The following SEPTIN9 variants were observed in gnomAD, a reference collection of about 807,000 sequenced individuals.
The protein encoded by SEPTIN9 is septin-9.
Under a neutral mutation model 56.6 loss-of-function variants are expected in SEPTIN9, and 13 were observed. The observed-to-expected ratio is 0.23, with a 90% CI of 0.15 to 0.37. The LOEUF (loss-of-function observed/expected upper bound fraction) is 0.37, where lower values mean the gene tolerates loss of function less well. SEPTIN9 is among the 10% of genes least tolerant of loss of function. The pLI, the probability that SEPTIN9 is intolerant of heterozygous loss-of-function variation, is 1.00. For missense variants in SEPTIN9, 650 were observed against 823.1 expected (o/e 0.79, Z 2.57); for synonymous variants, 332 against 334.1 (o/e 0.99, Z 0.07).
At position 77,498,870 on chromosome 17, in the gene SEPTIN9, A is replaced by G; in HGVS notation, c.*212A>G. 1.6e-6 allele frequency: 1 copy of G among 606,954 alleles called. No individual in the cohort carries two copies. Among genetic ancestry groups the G allele is most frequent in the Non-Finnish European group, 3.1e-6 (1 of 323,526 alleles). 37.6% of individuals were successfully genotyped at this position (606,954 alleles called of 1,614,324 possible). ...CTCCCCGAGGTTGTGGGGAGGCTGC[A>G]CTGGAGCCACAGGCAGGGGTGAGAG... On this transcript the variant is annotated 3_prime_UTR_variant, in exon 12 of 12. Transcript: ENST00000427177.
At chr17:77,350,146 C>T (rs1200114456) in intron 2 of SEPTIN9, among the ~76,000 whole-genome samples, 1 of 152,202 alleles carries the variant, frequency 6.6e-6, no homozygotes, top group African/African-American at 2.4e-5. Context: ...AGCCCCTGTC[C>T]CCCTTCTCTT....
intron 3 of SEPTIN9, among the ~76,000 whole-genome samples, chr17:77,420,482 C>T (rs947951152): frequency 1.3e-5 from 2 of 152,194 alleles, no homozygotes; most frequent in East Asian, 1.9e-4. Flanking sequence ...GCTTGCAAGC[C>T]TGTGTGGCTT....
In SEPTIN9 at chr17:77,307,122, C is replaced by A. The variant is rs372523373; in HGVS notation, c.20-19C>A. On this transcript the variant is annotated intron_variant, in intron 1 of 11. Coordinates refer to ENST00000427177, the MANE Select transcript of SEPTIN9 (RefSeq NM_001113491.2). Reference sequence around the variant, plus strand: ...GCCAGTGGCCTTGTGTGACCTTTGCCCTTTGTCTCTGTCTTTAGGAGGCAC... The same window carrying A: ...GCCAGTGGCCTTGTGTGACCTTTGCACTTTGTCTCTGTCTTTAGGAGGCAC... 3.7e-6 allele frequency: 6 copies of A among 1,613,528 alleles called. No individual in the cohort carries two copies. Among genetic ancestry groups the A allele is most frequent in the South Asian group, 1.1e-5 (1 of 91,074 alleles).
Position 77,373,295 on chromosome 17 carries a change from G to A in SEPTIN9, c.77-28764G>A, listed in dbSNP as rs1251672516. 6.0e-6 allele frequency: 7 copies of A among 1,159,288 alleles called. No homozygotes were observed. In the East Asian group the frequency reaches 2.0e-4, roughly 33 times the overall value. 71.8% of individuals were successfully genotyped at this position (1,159,288 alleles called of 1,614,324 possible). ...CCCGGGAGGCGGGGGCGGGGCGGGG[G>A]CGCAGCGCGCGGGGAGGGGCCGGCG... On this transcript the variant is annotated intron_variant, in intron 2 of 11. Transcript: ENST00000427177.
rs1322345781 is a variant in SEPTIN9, at chr17:77,425,188, G to T, written c.721+22485G>T. 6.6e-6 allele frequency among the ~76,000 whole-genome samples: 1 copy of T among 152,192 alleles called. No individual in the cohort carries two copies. The highest frequency in any genetic ancestry group is 6.5e-5 in the Admixed American group (1 of 15,288). ...ATGTGACCCGGGCCTGGGAAGATGG[G>T]CCCAGCTGTGGGAGGTCGTGCGGGC... On this transcript the variant is annotated intron_variant, in intron 3 of 11. Coordinates refer to ENST00000427177, the MANE Select transcript of SEPTIN9 (RefSeq NM_001113491.2). The surrounding 1 kb of genome is among the most constrained non-coding windows in gnomAD (Gnocchi z 4.2).
intron 3 of SEPTIN9, among the ~76,000 whole-genome samples, chr17:77,423,864 C>G (rs1046197308): frequency 1.3e-5 from 2 of 152,156 alleles, no homozygotes; most frequent in Admixed American, 1.3e-4. Flanking sequence ...TCTGGAAAGT[C>G]CAGGCATGTG....
intron 2 of SEPTIN9, 65 bp from the exon 3 acceptor site, chr17:77,401,994 G>T (rs2035915839): frequency 6.5e-7 from 1 of 1,538,912 alleles, no homozygotes; most frequent in African/African-American, 1.4e-5. Flanking sequence ...TCCTTAGCAG[G>T]AAACATGCCG....
At chr17:77,366,080 G>A (rs1019157203) in intron 2 of SEPTIN9, among the ~76,000 whole-genome samples, 18 of 152,264 alleles carry the variant, frequency 1.2e-4, no homozygotes, top group African/African-American at 4.1e-4. Context: ...CAAGCCTCCT[G>A]GTACCCTGGG....
At chr17:77,332,629 A>C (rs1031573683) in intron 2 of SEPTIN9, among the ~76,000 whole-genome samples, 1 of 152,194 alleles carries the variant, frequency 6.6e-6, no homozygotes, top group African/African-American at 2.4e-5. Context: ...TCCCAGCCTG[A>C]CCAGAACATA....
At chr17:77,488,942 T>C (rs1464439747) in intron 7 of SEPTIN9, 78 bp downstream of exon 7, 2 of 1,561,156 alleles carry the variant, frequency 1.3e-6, no homozygotes, top group African/African-American at 1.3e-5. Flanking sequence ...AAGACGGTGC[T>C]GTCTGCCCTG....
intron 2 of SEPTIN9, chr17:77,373,071 G>C (rs551874645): frequency 2.0e-4 from 98 of 501,200 alleles, no homozygotes; most frequent in African/African-American, 1.7e-3. Flanking sequence ...GGGGCGCCCG[G>C]GGGGAGGGGC....
At chr17:77,455,564 C>G (rs974389164) in intron 3 of SEPTIN9, among the ~76,000 whole-genome samples, 1 of 152,204 alleles carries the variant, frequency 6.6e-6, no homozygotes, top group Non-Finnish European at 1.5e-5. Flanking sequence ...CAGGGGCCAC[C>G]ACAGGACCAG....
intron 2 of SEPTIN9, chr17:77,373,645 C>T (rs1160701020): frequency 2.7e-6 from 4 of 1,494,256 alleles, no homozygotes; most frequent in South Asian, 2.5e-5. Context: ...TGAGGGGAGA[C>T]GGGAGTGCGC....
chr17:77,485,245 GTGATGGTGGTGATTGTGA>G (rs2039718520), intron 4 of SEPTIN9, among the ~76,000 whole-genome samples: 2 of 137,194 alleles, frequency 1.5e-5, no homozygotes, highest in African/African-American at 5.7e-5. Flanking sequence ...GGTGGTGATT[GTGATGGTGGTGATTGTGA>G]TGGTGATGTG....
chr17:77,425,495 G>A lies in SEPTIN9; in HGVS notation c.721+22792G>A, dbSNP rs957990560. ...TGGCCCCCTCTCTGGTCATGGGGAC[G>A]CTGCCTGGGGGGGGTTCCCTTACAT... On this transcript the variant is annotated intron_variant, in intron 3 of 11. Transcript: ENST00000427177. The surrounding 1 kb of genome is among the most constrained non-coding windows in gnomAD (Gnocchi z 4.2). Among the ~76,000 whole-genome samples, 6 of 152,152 alleles carry A rather than the reference G, an allele frequency of 3.9e-5. No individual in the cohort carries two copies. Among genetic ancestry groups the A allele is most frequent in the African/African-American group, 1.2e-4 (5 of 41,528 alleles).
At chr17:77,465,315 A>G (rs1296855534) in intron 3 of SEPTIN9, among the ~76,000 whole-genome samples, 1 of 152,178 alleles carries the variant, frequency 6.6e-6, no homozygotes, top group East Asian at 1.9e-4. Flanking sequence ...GCTGGTCTAC[A>G]GGTTTTTGTG....
At chr17:77,411,420 C>T (rs1490878658) in intron 3 of SEPTIN9, among the ~76,000 whole-genome samples, 4 of 147,292 alleles carry the variant, frequency 2.7e-5, no homozygotes, top group East Asian at 2.0e-4. Context: ...TTTGACAGAG[C>T]GTGGCCCAGG....
Position 77,367,765 on chromosome 17 carries a change from G to A in SEPTIN9, c.77-34294G>A, listed in dbSNP as rs1459940000. On this transcript the variant is annotated intron_variant, in intron 2 of 11. Transcript: ENST00000427177. This position sits in a 1 kb window ranked among gnomAD's most constrained non-coding sequence, Gnocchi z 4.5. The stretch of plus-strand genomic sequence containing the variant: ...TGGGAGGCGGAGGTTGCAGTGAGCC[G>A]AGATCACGCCACTACACTACAGCCC... Among the ~76,000 whole-genome samples the A allele has an allele frequency of 2.0e-5, 3 of 152,076 alleles. No homozygotes were observed. The highest frequency in any genetic ancestry group is 1.9e-4 in the East Asian group (1 of 5,196).
intron 3 of SEPTIN9, among the ~76,000 whole-genome samples, chr17:77,473,058 C>T (rs1235619898): frequency 6.6e-6 from 1 of 152,132 alleles, no homozygotes. Flanking sequence ...TTTTCAGAGC[C>T]CCCCAGGGAT....
Sources: allele counts gnomAD v4.1 joint callset (sites outside exome capture counted in the v4.1 genomes callset), GRCh38; gene constraint gnomAD v4.1.1; non-coding constraint Gnocchi (gnomAD v3.1); transcripts MANE v1.5; gene names NCBI Gene and HGNC (gene_info 2026-07-23, HGNC 2026-07-21).